Variants in ZNF366 observed in about 807,000 individuals in gnomAD.
The protein encoded by ZNF366 is dendritic cell-specific transcript protein.
Under a neutral mutation model 47.2 loss-of-function variants are expected in ZNF366, and 20 were observed. The ratio of observed to expected loss-of-function variants is 0.42; its 90% confidence interval spans 0.30 to 0.62. ZNF366 has a LOEUF of 0.62. Among genes scored for constraint, ZNF366 ranks in the 20% least tolerant of loss-of-function variants. ZNF366 has a pLI of 0.16. For synonymous variants in ZNF366, 421 were observed against 395.1 expected (o/e 1.07, Z -0.78); for missense variants, 987 against 976.3 (o/e 1.01, Z -0.15).
intron 1 of ZNF366, among the ~76,000 whole-genome samples, chr5:72,482,749 T>C (rs1743814877): frequency 7.2e-6 from 1 of 138,574 alleles, no homozygotes; most frequent in African/African-American, 3.0e-5. Context: ...TTCTATTTTG[T>C]GTGTGTGTGT....
At position 72,443,925 on chromosome 5, in the gene ZNF366, T is replaced by C; in HGVS notation, c.2066A>G (p.Gln689Arg). 6.2e-7 allele frequency: 1 copy of C among 1,614,210 alleles called. No homozygotes were observed. Among genetic ancestry groups the C allele is most frequent in the Non-Finnish European group, 8.5e-7 (1 of 1,180,032 alleles). The part of the protein sequence containing the change: ...SKGDLGAEGG[Q>R]ERDCAGRDEC... ...ATCTCTGCCGGCACAGTCTCTCTCC[T>C]GGCCGCCCTCTGCCCCAAGGTCACC... Residue 689 changes from glutamine (Q) to arginine (R), a missense_variant, in exon 5 of 5, where the codon CAG becomes CGG. This residue lies in a region of ZNF366 where 285 missense variants were observed against 234.8 expected (regional missense o/e 1.21). Coordinates refer to ENST00000318442, the MANE Select transcript of ZNF366 (RefSeq NM_152625.3).
At chr5:72,468,632 A>T (rs1401228437) in intron 1 of ZNF366, among the ~76,000 whole-genome samples, 2 of 152,206 alleles carry the variant, frequency 1.3e-5, no homozygotes, top group East Asian at 3.8e-4. Context: ...AAAATTATCA[A>T]CAACAGATTC....
chr5:72,506,391 A>T (rs1272780688), intron 1 of ZNF366, among the ~76,000 whole-genome samples: 1 of 152,166 alleles, frequency 6.6e-6, no homozygotes, highest in Non-Finnish European at 1.5e-5. Flanking sequence ...AGCAAGTTAG[A>T]CTTTTAAAAA....
Position 72,444,026 on chromosome 5 carries a change from G to A in ZNF366, c.1965C>T (p.Ala655=). The stretch of plus-strand genomic sequence containing the variant: ...TGCAGGCTTCCTCCAGCACCTCGGG[G>A]GCGTGCTCCGACTTGGTGGACAGAT... The part of the protein sequence containing the change: ...PEDLSTKSEH[A]PEVLEEACKE... Residue 655 remains alanine, a synonymous_variant, in exon 5 of 5, where the codon GCC becomes GCT. Coordinates refer to ENST00000318442, the MANE Select transcript of ZNF366 (RefSeq NM_152625.3). 6.2e-7 allele frequency: 1 copy of A among 1,614,172 alleles called. No homozygotes were observed. The highest frequency in any genetic ancestry group is 8.5e-7 in the Non-Finnish European group (1 of 1,180,028).
Position 72,447,327 on chromosome 5 carries a change from G to A in ZNF366, c.1615C>T (p.Pro539Ser). ...DSKPFKCLYC[P>S]SKFTLKGNLT... ...TTCCCCTTCAGGGTGAATTTGCTTGGGCAATAGAGGCACTTGAAGGGTTTG... is the reference window on the plus strand; with the variant it reads ...TTCCCCTTCAGGGTGAATTTGCTTGAGCAATAGAGGCACTTGAAGGGTTTG... Residue 539 changes from proline (P) to serine (S), a missense_variant, in exon 4 of 5, where the codon CCA (proline) becomes TCA (serine). By Grantham distance (74) the Pro-to-Ser change is moderately conservative (BLOSUM62 -1). Coordinates refer to ENST00000318442, the MANE Select transcript of ZNF366 (RefSeq NM_152625.3). 1 of 1,614,130 alleles carries A rather than the reference G, an allele frequency of 6.2e-7. No individual in the cohort carries two copies. Among genetic ancestry groups the A allele is most frequent in the Non-Finnish European group, 8.5e-7 (1 of 1,180,040 alleles).
chr5:72,465,190 C>T (rs1351168980), intron 1 of ZNF366, among the ~76,000 whole-genome samples: 2 of 152,224 alleles, frequency 1.3e-5, no homozygotes, highest in South Asian at 2.1e-4. Flanking sequence ...CCGGTCCCTA[C>T]AGAGGTCAAG....
intron 4 of ZNF366, among the ~76,000 whole-genome samples, chr5:72,445,417 G>T (rs1373549863): frequency 6.6e-6 from 1 of 152,098 alleles, no homozygotes; most frequent in African/African-American, 2.4e-5. Flanking sequence ...TTCACTTTTT[G>T]ATGCTGTCAG....
At position 72,460,144 on chromosome 5, in the gene ZNF366, CCACCAGAG is replaced by C; in HGVS notation, c.1332+13_1332+20del. 1 of 1,609,198 alleles carries C rather than the reference CCACCAGAG, an allele frequency of 6.2e-7. No individual in the cohort carries two copies. Among genetic ancestry groups the C allele is most frequent in the Non-Finnish European group, 8.5e-7 (1 of 1,177,278 alleles). On this transcript the variant is annotated intron_variant, in intron 2 of 4. Coordinates refer to ENST00000318442, the MANE Select transcript of ZNF366 (RefSeq NM_152625.3). ...TCCTCTTCCCAAGGCCCCGTCCGCC[CCACCAGAG>C]GCCCCGCAGTACCTTGTGGGTGAGG...
chr5:72,489,471 T>C (rs953376276), intron 1 of ZNF366, among the ~76,000 whole-genome samples: 2 of 152,172 alleles, frequency 1.3e-5, no homozygotes, highest in South Asian at 4.1e-4. Context: ...GACTAATATA[T>C]TTCTTCATGG....
At chr5:72,496,277 C>T (rs1393128601) in intron 1 of ZNF366, among the ~76,000 whole-genome samples, 1 of 152,226 alleles carries the variant, frequency 6.6e-6, no homozygotes, top group Non-Finnish European at 1.5e-5. Flanking sequence ...AGCAGCCGAT[C>T]TTGCTCCCAC....
At chr5:72,450,566 C>T (rs1156284452) in intron 3 of ZNF366, among the ~76,000 whole-genome samples, 2 of 152,268 alleles carry the variant, frequency 1.3e-5, no homozygotes, top group South Asian at 2.1e-4. Context: ...CAGCCATCAC[C>T]AGCTCTCATC....
At chr5:72,447,148 A>G in intron 4 of ZNF366, 95 bp downstream of exon 4, 2 of 1,413,430 alleles carry the variant, frequency 1.4e-6, no homozygotes. Flanking sequence ...GGTCTTGACA[A>G]GAATAACCCT....
chr5:72,485,400 T>C (rs1259981961), intron 1 of ZNF366, among the ~76,000 whole-genome samples: 2 of 152,196 alleles, frequency 1.3e-5, no homozygotes, highest in African/African-American at 4.8e-5. Flanking sequence ...CCTTCCTTCT[T>C]TATTACCTCT....
chr5:72,462,376 C>T (rs1478678593), intron 1 of ZNF366, among the ~76,000 whole-genome samples: 1 of 152,058 alleles, frequency 6.6e-6, no homozygotes, highest in Non-Finnish European at 1.5e-5. Flanking sequence ...CTTGGTGACT[C>T]CTGTGGTGCC....
intron 1 of ZNF366, among the ~76,000 whole-genome samples, chr5:72,477,548 G>C (rs1743699076): frequency 6.6e-6 from 1 of 152,160 alleles, no homozygotes; most frequent in Non-Finnish European, 1.5e-5. Flanking sequence ...AAAGAGCTTT[G>C]CTGCAAATCA....
At chr5:72,453,981 C>T (rs1395257780) in intron 3 of ZNF366, among the ~76,000 whole-genome samples, 1 of 152,176 alleles carries the variant, frequency 6.6e-6, no homozygotes, top group Admixed American at 6.5e-5. Context: ...GAGGACTTAC[C>T]AACAGGAAGA....
Position 72,443,777 on chromosome 5 carries a change from T to A in ZNF366, c.2214A>T (p.Gln738His). Reference sequence around the variant, plus strand: ...CCACTTAGATACCTAAAAGCACTGCTTGTTTTTCCATTTTCCTCTCCAGTA... The same window carrying A: ...CCACTTAGATACCTAAAAGCACTGCATGTTTTTCCATTTTCCTCTCCAGTA... ...KELLERKMEK[Q>H]AVLLGI Residue 738 changes from glutamine to histidine, a missense_variant, in exon 5 of 5, where the codon CAA (glutamine) becomes CAT (histidine). Transcript: ENST00000318442. The A allele has an allele frequency of 6.2e-7, 1 of 1,613,374 alleles. No homozygotes were observed. The highest frequency in any genetic ancestry group is 8.5e-7 in the Non-Finnish European group (1 of 1,179,626).
chr5:72,496,008 C>T (rs1744104752), intron 1 of ZNF366, among the ~76,000 whole-genome samples: 1 of 151,548 alleles, frequency 6.6e-6, no homozygotes, highest in Admixed American at 6.6e-5. Context: ...AATGATAGCA[C>T]TCTGTAGAAT....
intron 3 of ZNF366, among the ~76,000 whole-genome samples, chr5:72,452,364 C>T (rs904152206): frequency 6.6e-6 from 1 of 152,172 alleles, no homozygotes; most frequent in African/African-American, 2.4e-5. Context: ...TATTTGCAGG[C>T]GGTCCCCTGG....
Sources: gnomAD v4.1 joint callset for allele counts (sites outside exome capture counted in the v4.1 genomes callset) on GRCh38, gnomAD v4.1.1 for gene constraint, gnomAD v4.1.1 regional missense constraint, MANE v1.5 for transcripts, NCBI Gene and HGNC (gene_info 2026-07-23, HGNC 2026-07-21) for gene names.